Variants in SETDB1 observed in about 807,000 individuals in gnomAD.
SETDB1 encodes histone-lysine N-methyltransferase SETDB1.
A neutral mutation model predicts 137.4 loss-of-function variants in SETDB1; 31 were observed. The ratio of observed to expected loss-of-function variants is 0.23; its 90% CI spans 0.17 to 0.30. SETDB1 has a LOEUF of 0.30. Ranked by LOEUF, SETDB1 falls within the 10% of genes least tolerant of loss-of-function variation. The probability of loss-of-function intolerance (pLI) is 1.00; values close to 1 mark genes in which losing one functional copy is unlikely to be tolerated. For missense variants in SETDB1, 1,113 were observed against 1,631.5 expected, an observed-to-expected ratio of 0.68 and a Z score of 5.47; for synonymous variants, 548 against 579.9, an observed-to-expected ratio of 0.95 and a Z score of 0.79.
intron 3 of SETDB1, among the ~76,000 whole-genome samples, chr1:150,932,713 T>C (rs983667049): frequency 1.7e-4 from 26 of 152,144 alleles, no homozygotes; most frequent in African/African-American, 6.3e-4. Flanking sequence ...TGGGTTTGAT[T>C]TGTTCTTCTT....
In SETDB1 at chr1:150,964,577, A is replaced by G. The variant is rs377144670; in HGVS notation, c.*213A>G. 7.2e-6 allele frequency: 5 copies of G among 696,080 alleles called. No individual in the cohort carries two copies. Among genetic ancestry groups the G allele is most frequent in the East Asian group, 5.4e-5 (2 of 37,190 alleles). 43.1% of individuals were successfully genotyped at this position (696,080 alleles called of 1,614,324 possible). On this transcript the variant is annotated 3_prime_UTR_variant, in exon 22 of 22. Coordinates refer to ENST00000692827, the MANE Select transcript of SETDB1 (RefSeq NM_001366418.1). ...CCTCCAAAGGCCCTAAAGGGTGGGGAGAGATCACCACTCTAACCTCGGCCT... is the reference window on the plus strand; with the variant it reads ...CCTCCAAAGGCCCTAAAGGGTGGGGGGAGATCACCACTCTAACCTCGGCCT...
chr1:150,950,683 C>A lies in SETDB1; in HGVS notation c.1809C>A (p.Val603=). Residue 603 remains valine (V), a synonymous_variant, in exon 13 of 22, where the codon GTC becomes GTA. Transcript: ENST00000692827. ...ACCGGGGCAAGAACCCTCTGCTGGT[C>A]CCGTTACTATATGACTTCCGGCGGA... ...EQYRGKNPLL[V]PLLYDFRRMT... 1 of 1,614,174 alleles carries A rather than the reference C, an allele frequency of 6.2e-7. No homozygotes were observed. Among genetic ancestry groups the A allele is most frequent in the Non-Finnish European group, 8.5e-7 (1 of 1,180,030 alleles).
chr1:150,938,650 C>T (rs587711362), intron 3 of SETDB1, among the ~76,000 whole-genome samples: 1 of 151,848 alleles, frequency 6.6e-6, no homozygotes, highest in Non-Finnish European at 1.5e-5. Context: ...ATAACAGGCA[C>T]GTGCCACCAT....
intron 3 of SETDB1, among the ~76,000 whole-genome samples, chr1:150,934,337 G>A (rs1199839671): frequency 6.6e-6 from 1 of 152,142 alleles, no homozygotes; most frequent in South Asian, 2.1e-4. Flanking sequence ...GCTGGGCGTA[G>A]TGGCGGGCAC....
intron 15 of SETDB1, 79 bp from the exon 16 acceptor site, chr1:150,960,477 GAAAAAAA>G (rs374284707): frequency 8.0e-6 from 6 of 752,962 alleles, no homozygotes; most frequent in Non-Finnish European, 1.1e-5. Context: ...ACTCCATCTG[GAAAAAAA>G]AAAAAAAAAA....
At chr1:150,963,840 G>C (rs901601053) in intron 20 of SETDB1, 99 bp downstream of exon 20, 2 of 1,321,354 alleles carry the variant, frequency 1.5e-6, no homozygotes, top group Non-Finnish European at 2.2e-6. Flanking sequence ...ATAAACTCTT[G>C]ATCTCAAAGG....
intron 14 of SETDB1, among the ~76,000 whole-genome samples, chr1:150,952,677 A>G (rs1191679762): frequency 1.3e-5 from 2 of 151,890 alleles, no homozygotes; most frequent in Non-Finnish European, 2.9e-5. Context: ...TCGGGAGTTC[A>G]AGACCAGCCT....
intron 3 of SETDB1, chr1:150,930,464 A>G (rs1334843029): frequency 6.2e-6 from 1 of 161,816 alleles, no homozygotes; most frequent in Non-Finnish European, 1.3e-5. Context: ...TGTAGCCCGC[A>G]ACCGCATTAA....
intron 18 of SETDB1, 101 bp from the exon 19 acceptor site, chr1:150,962,873 T>A: frequency 6.7e-7 from 1 of 1,493,600 alleles, no homozygotes; most frequent in Non-Finnish European, 9.1e-7. Context: ...CTAATCTTCC[T>A]CTTGCCACCG....
At chr1:150,949,647 TG>T in intron 12 of SETDB1, 122 bp downstream of exon 12, 1 of 788,062 alleles carries the variant, frequency 1.3e-6, no homozygotes, top group South Asian at 2.3e-5. Flanking sequence ...AGTTTGGACT[TG>T]AAAAGGAAGC....
chr1:150,963,215 A>G (rs900174510), intron 19 of SETDB1, 76 bp downstream of exon 19: 9 of 1,383,666 alleles, frequency 6.5e-6, no homozygotes, highest in Non-Finnish European at 9.0e-6. Context: ...TAAGGAAGCT[A>G]AAGAAGTAGT....
In SETDB1 at chr1:150,929,975, C is replaced by T. The variant is rs980709803; in HGVS notation, c.269C>T (p.Thr90Ile). The change falls in exon 3 of 22, where the codon ACT becomes ATT. Residue 90 changes from threonine to isoleucine, a missense_variant. Around this residue, in one of 11 missense-constraint regions of SETDB1, gnomAD observed 159 missense variants for 188.6 expected, o/e 0.84. Transcript: ENST00000692827. ...QLFDDASRAV[T>I]NCESLVKDFY... The stretch of plus-strand genomic sequence containing the variant: ...ATGTGTTCCAATATTAGGGCAGTGA[C>T]TAATTGTGAGTCTTTGGTGAAGGAC... The T allele has an allele frequency of 6.2e-7, 1 of 1,613,296 alleles. No individual in the cohort carries two copies. The highest frequency in any genetic ancestry group is 8.5e-7 in the Non-Finnish European group (1 of 1,179,636).
intron 4 of SETDB1, among the ~76,000 whole-genome samples, chr1:150,940,501 G>A (rs1222096094): frequency 6.6e-6 from 1 of 151,550 alleles, no homozygotes; most frequent in Admixed American, 6.6e-5. Flanking sequence ...CCAGGAGGCA[G>A]AGGTTGCAAT....
At chr1:150,928,103 G>A in intron 2 of SETDB1, 129 bp downstream of exon 2, 2 of 1,130,372 alleles carry the variant, frequency 1.8e-6, no homozygotes, top group East Asian at 2.5e-5. Flanking sequence ...TGTCACCCAA[G>A]CTAGAGTGCA....
rs1670789402 is a variant in SETDB1, at chr1:150,960,639, T to C, written c.2580T>C (p.His860=). The C allele has an allele frequency of 3.1e-6, 5 of 1,613,898 alleles. No homozygotes were observed. The highest frequency in any genetic ancestry group is 4.2e-6 in the Non-Finnish European group (5 of 1,179,998). The stretch of plus-strand genomic sequence containing the variant: ...ATGAGTACTTTGCAAATCTGGACCA[T>C]ATCGAGAGCGTGGAGAACTTCAAAG... ...MGDEYFANLD[H]IESVENFKEG... is the part of the protein sequence containing the mutation. Residue 860 remains histidine, a synonymous_variant, in exon 16 of 22, where the codon CAT becomes CAC. Transcript: ENST00000692827.
intron 3 of SETDB1, among the ~76,000 whole-genome samples, chr1:150,933,760 TC>T (rs1669847570): frequency 8.1e-6 from 1 of 122,764 alleles, no homozygotes; most frequent in African/African-American, 3.2e-5. Flanking sequence ...TTTTTCTTTT[TC>T]TTTTTCTTTT....
intron 5 of SETDB1, among the ~76,000 whole-genome samples, 163 bp downstream of exon 5, chr1:150,941,591 G>A (rs1289474642): frequency 6.6e-6 from 1 of 152,160 alleles, no homozygotes; most frequent in East Asian, 1.9e-4. Flanking sequence ...GTCTGTGATG[G>A]TTTTATCTCA....
chr1:150,960,074 AAAAAC>A (rs1392278576), intron 15 of SETDB1, among the ~76,000 whole-genome samples: 7 of 151,314 alleles, frequency 4.6e-5, no homozygotes, highest in African/African-American at 1.7e-4. Context: ...ACTCTGTCTC[AAAAAC>A]AAAACAAAAA....
At position 150,943,204 on chromosome 1, in the gene SETDB1, G is replaced by T. The variant is rs117827937; in HGVS notation, c.875+151G>T. ...TCTTTCTTTACCACAGGAGTCATGTGGGTGATTCTTTCTTCCTCTTTCTCC... is the reference window on the plus strand; with the variant it reads ...TCTTTCTTTACCACAGGAGTCATGTTGGTGATTCTTTCTTCCTCTTTCTCC... On this transcript the variant is annotated intron_variant, in intron 7 of 21. Transcript: ENST00000692827. The T allele has an allele frequency of 4.0e-5, 24 of 606,064 alleles. No individual in the cohort carries two copies. In the East Asian group the frequency reaches 6.7e-4, roughly 17 times the overall value. The allele number at this position is 606,064 out of a possible 1,614,324, so 37.5% of individuals were successfully genotyped here.
Sources: gnomAD v4.1 joint callset for allele counts (sites outside exome capture counted in the v4.1 genomes callset) on GRCh38, gnomAD v4.1.1 for gene constraint, gnomAD v4.1.1 regional missense constraint, MANE v1.5 for transcripts, NCBI Gene and HGNC (gene_info 2026-07-23, HGNC 2026-07-21) for gene names.